Variants in SLC38A8 observed in about 807,000 individuals in gnomAD.
SLC38A8 encodes the protein amino acid transporter SLC38A8.
A neutral mutation model predicts 46.0 loss-of-function variants in SLC38A8; 65 were observed. The observed-to-expected ratio is 1.41, with a 90% CI of 1.16 to 1.74. The LOEUF is 1.74. Among genes scored for constraint, SLC38A8 ranks in the 40% most tolerant of loss-of-function variants. SLC38A8 has a pLI of 0.00. For missense variants in SLC38A8, 998 were observed against 567.9 expected, an observed-to-expected ratio of 1.76 and a Z score of -7.70; for synonymous variants, 447 against 243.7, an observed-to-expected ratio of 1.83 and a Z score of -7.77.
At chr16:84,019,190 T>A (rs2085068001) in intron 7 of SLC38A8, among the ~76,000 whole-genome samples, 1 of 152,072 alleles carries the variant, frequency 6.6e-6, no homozygotes, top group Non-Finnish European at 1.5e-5. Flanking sequence ...TTATCTTGCC[T>A]CAGCCTCCTG....
intron 7 of SLC38A8, among the ~76,000 whole-genome samples, chr16:84,019,278 G>C (rs1207415710): frequency 2.0e-5 from 3 of 152,048 alleles, no homozygotes. Context: ...GTTTCACTGT[G>C]TTAGCCAGGA....
chr16:84,022,455 G>C (rs916319804), intron 7 of SLC38A8, among the ~76,000 whole-genome samples: 4 of 152,222 alleles, frequency 2.6e-5, no homozygotes, highest in South Asian at 2.1e-4. Flanking sequence ...AGCAGTCAAT[G>C]TCCTTTGAAC....
Position 84,009,871 on chromosome 16 carries a change from G to T in SLC38A8, c.1221C>A (p.Cys407Ter). The T allele has an allele frequency of 6.2e-7, 1 of 1,613,500 alleles. No homozygotes were observed. The highest frequency in any genetic ancestry group is 1.1e-5 in the South Asian group (1 of 90,958). Residue 407 changes from cysteine to a stop codon, truncating the protein, a stop_gained, in exon 11 of 11, where the codon TGC becomes TGA. Coordinates refer to ENST00000299709, the MANE Select transcript of SLC38A8 (RefSeq NM_001080442.3). LOFTEE classifies it high-confidence loss of function. Reference protein sequence around the residue: ...VEPIGPRVKCCLEVWGVVSVL... With the variant: ...VEPIGPRVKC ...CAGAGACCACTCCCCAGACCTCCAG[G>T]CAGCACCTGCCAAGTGAATAAACCC... is the stretch of plus-strand genomic sequence containing the variant.
At chr16:84,031,724 G>A (rs934983365) in intron 5 of SLC38A8, 143 bp downstream of exon 5, 24 of 698,694 alleles carry the variant, frequency 3.4e-5, no homozygotes, top group East Asian at 1.6e-4. Flanking sequence ...TGCCTTCACC[G>A]CATCAGAGAC....
chr16:84,011,706 C>G (rs1455345427), intron 10 of SLC38A8, among the ~76,000 whole-genome samples: 2 of 152,140 alleles, frequency 1.3e-5, no homozygotes, highest in African/African-American at 4.8e-5. Context: ...GGACCCTAAT[C>G]TGATGGTAGG....
chr16:84,039,276 A>G (rs2085339916), intron 2 of SLC38A8, among the ~76,000 whole-genome samples: 1 of 152,208 alleles, frequency 6.6e-6, no homozygotes, highest in Admixed American at 6.5e-5. Context: ...TTTTGTGGTA[A>G]TATGTTATAG....
intron 4 of SLC38A8, among the ~76,000 whole-genome samples, chr16:84,032,375 G>A (rs1482036691): frequency 6.6e-6 from 1 of 152,192 alleles, no homozygotes; most frequent in African/African-American, 2.4e-5. Flanking sequence ...TTTTAGTAGA[G>A]ACAGGGTTTC....
chr16:84,032,876 A>C (rs938335174), intron 4 of SLC38A8, among the ~76,000 whole-genome samples: 3 of 148,130 alleles, frequency 2.0e-5, no homozygotes, highest in African/African-American at 7.4e-5. Context: ...GCACGGGGAC[A>C]TGCGGGGATG....
At chr16:84,013,506 C>T (rs1021560775) in intron 9 of SLC38A8, among the ~76,000 whole-genome samples, 1 of 140,218 alleles carries the variant, frequency 7.1e-6, no homozygotes, top group Non-Finnish European at 1.5e-5. Context: ...TCTCGGCTCA[C>T]TGCAACCTCC....
chr16:84,036,673 G>T (rs1268566643), intron 3 of SLC38A8, 29 bp downstream of exon 3: 4 of 1,612,746 alleles, frequency 2.5e-6, no homozygotes, highest in African/African-American at 1.3e-5. Context: ...GGCACCCTGG[G>T]CCACCCCGAG....
chr16:84,014,725 G>C (rs556651043), intron 9 of SLC38A8, among the ~76,000 whole-genome samples: 70 of 152,302 alleles, frequency 4.6e-4, no homozygotes, highest in Admixed American at 4.6e-4. Flanking sequence ...ACGGGAGCTG[G>C]GGCAGGTACG....
intron 6 of SLC38A8, among the ~76,000 whole-genome samples, chr16:84,026,108 G>C (rs931420001): frequency 6.6e-6 from 1 of 152,268 alleles, no homozygotes; most frequent in Non-Finnish European, 1.5e-5. Flanking sequence ...GCAGCTCTGC[G>C]TATAGGGGCA....
At chr16:84,034,762 G>T (rs139025786) in intron 3 of SLC38A8, among the ~76,000 whole-genome samples, 1 of 152,138 alleles carries the variant, frequency 6.6e-6, no homozygotes, top group African/African-American at 2.4e-5. Flanking sequence ...CATGCCCCAG[G>T]ACTGCACCGA....
At chr16:84,012,944 A>G (rs540883811) in intron 10 of SLC38A8, 57 bp downstream of exon 10, 2 of 1,581,918 alleles carry the variant, frequency 1.3e-6, no homozygotes, top group East Asian at 4.5e-5. Flanking sequence ...CCCCTGAAAC[A>G]TTCTTACTCT....
At chr16:84,030,726 A>C (rs2085227827) in intron 5 of SLC38A8, among the ~76,000 whole-genome samples, 1 of 152,140 alleles carries the variant, frequency 6.6e-6, no homozygotes, top group Non-Finnish European at 1.5e-5. Context: ...CTGACCACAG[A>C]ATTCACAGGG....
At chr16:84,030,182 T>C (rs2085221300) in intron 5 of SLC38A8, among the ~76,000 whole-genome samples, 1 of 152,120 alleles carries the variant, frequency 6.6e-6, no homozygotes, top group African/African-American at 2.4e-5. Flanking sequence ...GTGATCCGTC[T>C]ATCAGCCAAG....
rs546655859 is a variant in SLC38A8 at position 84,032,574 on chromosome 16, A to G, written c.531-606T>C. Among the ~76,000 whole-genome samples the G allele has an allele frequency of 2.0e-5, 3 of 152,342 alleles. No homozygotes were observed. The South Asian group carries it at 6.2e-4, about 32-fold the overall frequency. ...ACCAGCAAAAGCTAATCAGCCACTC[A>G]GCCTGATGCCTAAGGCAGGACGCCA... On this transcript the variant is annotated intron_variant, in intron 4 of 10. Transcript: ENST00000299709.
chr16:84,016,368 G>C, intron 9 of SLC38A8, 151 bp downstream of exon 9: 1 of 784,626 alleles, frequency 1.3e-6, no homozygotes, highest in Non-Finnish European at 2.0e-6. Context: ...GCCTGTGCCT[G>C]GCTCAATAAA....
chr16:84,026,484 CTT>C (rs1168284795), intron 6 of SLC38A8, among the ~76,000 whole-genome samples: 1 of 152,216 alleles, frequency 6.6e-6, no homozygotes. Flanking sequence ...GCCTCGGCCT[CTT>C]AAATTCCTGG....
Sources: allele counts gnomAD v4.1 joint callset (sites outside exome capture counted in the v4.1 genomes callset), GRCh38; gene constraint gnomAD v4.1.1; transcripts MANE v1.5; gene names NCBI Gene and HGNC (gene_info 2026-07-23, HGNC 2026-07-21).